Variants in LCT observed in about 807,000 individuals in gnomAD.
LCT encodes the protein lactase.
Under a neutral mutation model 173.0 loss-of-function variants are expected in LCT, and 90 were observed. That is an observed-to-expected ratio of 0.52 (90% CI 0.44 to 0.62). The LOEUF (loss-of-function observed/expected upper bound fraction) is 0.62, where lower values mean the gene tolerates loss of function less well. LCT is among the 20% of genes least tolerant of loss of function. The pLI is 0.00. For missense variants in LCT, 1,864 were observed against 2,431.4 expected, an observed-to-expected ratio of 0.77 and a Z score of 4.91; for synonymous variants, 853 against 957.6, an observed-to-expected ratio of 0.89 and a Z score of 2.02.
chr2:135,799,974 A>T (rs374383354), intron 12 of LCT, among the ~76,000 whole-genome samples: 1 of 152,232 alleles, frequency 6.6e-6, no homozygotes, highest in Admixed American at 6.5e-5. Context: ...TAGTCAAACC[A>T]GAGAGACTGA....
rs1252462758 is a variant in LCT, at chr2:135,794,745, CCTCTT to C, written c.5002_5006del (p.Lys1668GlufsTer7). ...AAAAGTCATAGGTGCCGTTGATCCT[CCTCTT>C]CTCACTCTCTGTAAATTCTGGCAGC... On this transcript the variant is annotated frameshift_variant, in exon 14 of 17. Coordinates refer to ENST00000264162, the MANE Select transcript of LCT (RefSeq NM_002299.4). LOFTEE classifies it high-confidence loss of function. 1.9e-6 allele frequency: 3 copies of C among 1,614,090 alleles called. No homozygotes were observed. Among genetic ancestry groups the C allele is most frequent in the Non-Finnish European group, 2.5e-6 (3 of 1,180,028 alleles).
chr2:135,836,460 T>C (rs1679383781), intron 1 of LCT, 70 bp downstream of exon 1: 3 of 1,394,988 alleles, frequency 2.2e-6, no homozygotes, highest in Admixed American at 1.7e-5. Flanking sequence ...TCGAATCTGC[T>C]CTAAGGAGGA....
chr2:135,788,224 G>T lies in LCT; in HGVS notation c.*100C>A. 1 of 851,278 alleles carries T rather than the reference G, an allele frequency of 1.2e-6. No homozygotes were observed. The highest frequency in any genetic ancestry group is 2.0e-6 in the Non-Finnish European group (1 of 499,902). 52.7% of individuals were successfully genotyped at this position (851,278 alleles called of 1,614,324 possible). On this transcript the variant is annotated 3_prime_UTR_variant, in exon 17 of 17. Transcript: ENST00000264162. ...CGGTGCAGCAGGACTTTATGGAGAAGTCCAGTATCAGCAGAGTCTAAGACC... is the reference window on the plus strand; with the variant it reads ...CGGTGCAGCAGGACTTTATGGAGAATTCCAGTATCAGCAGAGTCTAAGACC...
At chr2:135,817,230 G>T in intron 6 of LCT, 111 bp downstream of exon 6, 2 of 1,334,120 alleles carry the variant, frequency 1.5e-6, no homozygotes, top group Non-Finnish European at 1.0e-6. Context: ...TTCCTTTAAA[G>T]AAAGAACAAA....
chr2:135,816,342 G>A (rs2077781179), intron 6 of LCT, among the ~76,000 whole-genome samples: 1 of 152,158 alleles, frequency 6.6e-6, no homozygotes, highest in South Asian at 2.1e-4. Flanking sequence ...CCAGGACCCA[G>A]CAATGAGTTC....
intron 3 of LCT, among the ~76,000 whole-genome samples, chr2:135,826,143 C>T (rs891144713): frequency 1.3e-5 from 2 of 152,180 alleles, no homozygotes; most frequent in Non-Finnish European, 2.9e-5. Flanking sequence ...GAATAGATAA[C>T]CATTGCAGAA....
At chr2:135,828,131 T>C (rs1036243964) in intron 3 of LCT, among the ~76,000 whole-genome samples, 6 of 152,168 alleles carry the variant, frequency 3.9e-5, no homozygotes, top group African/African-American at 1.4e-4. Context: ...TTCAAGTGAT[T>C]CTCCTGCCTC....
At position 135,798,060 on chromosome 2, in the gene LCT, T is replaced by A; in HGVS notation, c.4945A>T (p.Arg1649Trp). 6.2e-7 allele frequency: 1 copy of A among 1,612,444 alleles called. No homozygotes were observed. The highest frequency in any genetic ancestry group is 8.5e-7 in the Non-Finnish European group (1 of 1,178,506). ...TTGTTGAGGCCTGCAGCCAAGCTCCTGTCACGGATCCGCGTCTTCATCACC... is the reference window on the plus strand; with the variant it reads ...TTGTTGAGGCCTGCAGCCAAGCTCCAGTCACGGATCCGCGTCTTCATCACC... ...NEVMKTRIRD[R>W]SLAAGLNKSR... The change falls in exon 13 of 17, where the codon AGG becomes TGG. Residue 1649 changes from arginine (R) to tryptophan (W), a missense_variant. Arg to Trp is a moderately radical substitution (Grantham distance 101). Around this residue, in one of 4 missense-constraint regions of LCT, gnomAD observed 514 missense variants for 750.1 expected, o/e 0.69. Coordinates refer to ENST00000264162, the MANE Select transcript of LCT (RefSeq NM_002299.4).
Position 135,808,761 on chromosome 2 carries a change from A to T in LCT, c.3586T>A (p.Phe1196Ile). ...LPSFTEEEKR[F>I]IRATADVFCL... is the part of the protein sequence containing the mutation. ...AAGACGTCGGCCGTCGCCCTGATGA[A>T]CCTCTTCTCTTCCTCAGTGAAGCTT... The change falls in exon 8 of 17, where the codon TTC becomes ATC. Residue 1196 changes from phenylalanine (F) to isoleucine (I), a missense_variant. Around this residue, in one of 4 missense-constraint regions of LCT, gnomAD observed 755 missense variants for 926.3 expected, o/e 0.82. Coordinates refer to ENST00000264162, the MANE Select transcript of LCT (RefSeq NM_002299.4). The T allele has an allele frequency of 6.2e-7, 1 of 1,613,132 alleles. No individual in the cohort carries two copies.
At chr2:135,826,928 T>TA (rs2105552149) in intron 3 of LCT, among the ~76,000 whole-genome samples, 1 of 152,298 alleles carries the variant, frequency 6.6e-6, no homozygotes, top group South Asian at 2.1e-4. Flanking sequence ...ATATGTGATT[T>TA]AAAAAATACC....
At chr2:135,816,910 C>T (rs1327623462) in intron 6 of LCT, among the ~76,000 whole-genome samples, 1 of 151,438 alleles carries the variant, frequency 6.6e-6, no homozygotes, top group Non-Finnish European at 1.5e-5. Flanking sequence ...GCTCTGTTGA[C>T]CAGGCTGGAG....
chr2:135,817,398 G>C lies in LCT; in HGVS notation c.1650C>G (p.Gly550=), dbSNP rs35093754. The change falls in exon 6 of 17, where the codon GGC becomes GGG. Residue 550 remains glycine (G), a synonymous_variant. Transcript: ENST00000264162. ...CGGGAGGGTGCTGGCCGGTGCCATA[G>C]CCTGCGTAGCTCATCACCCACGGCT... ...FHEPWVMSYA[G]YGTGQHPPGI... The C allele has an allele frequency of 0.024, 38,302 of 1,614,046 alleles. 974 individuals are homozygous for C. The highest frequency in any genetic ancestry group is 0.12 in the African/African-American group (8,740 of 74,990).
At chr2:135,827,833 G>A (rs2077900089) in intron 3 of LCT, among the ~76,000 whole-genome samples, 1 of 152,042 alleles carries the variant, frequency 6.6e-6, no homozygotes, top group Non-Finnish European at 1.5e-5. Flanking sequence ...TGGGGGCTGG[G>A]GACCCCTAAA....
rs1253562057 is a variant in LCT at position 135,836,919 on chromosome 2, A to G, written c.251T>C (p.Ile84Thr). The G allele has an allele frequency of 1.9e-6, 3 of 1,614,018 alleles. No homozygotes were observed. The highest frequency in any genetic ancestry group is 2.2e-5 in the South Asian group (2 of 91,078). ...EYFSSLHASQ[I>T]THYKVFLSWA... is the part of the protein sequence containing the mutation. ...TGACAGAAATACCTTATAATGGGTG[A>G]TCTGACTGGCATGGAGACTGCTGAA... is the stretch of plus-strand genomic sequence containing the variant. Residue 84 changes from isoleucine to threonine, a missense_variant, in exon 1 of 17, where the codon ATC becomes ACC. Around this residue, in one of 4 missense-constraint regions of LCT, gnomAD observed 412 missense variants for 462.0 expected, o/e 0.89. Transcript: ENST00000264162.
chr2:135,804,524 A>G (rs1186601523), intron 10 of LCT, among the ~76,000 whole-genome samples: 2 of 152,220 alleles, frequency 1.3e-5, no homozygotes, highest in Admixed American at 1.3e-4. Context: ...TCTACTAAAA[A>G]TACAAAAATT....
rs1248952043 is a variant in LCT, at chr2:135,830,017, C to CA, written c.721-342dup. Among the ~76,000 whole-genome samples the CA allele has an allele frequency of 2.0e-5, 3 of 152,142 alleles. No homozygotes were observed. The East Asian group carries it at 5.8e-4, about 29-fold the overall frequency. On this transcript the variant is annotated intron_variant, in intron 2 of 16. Transcript: ENST00000264162. Reference sequence around the variant, plus strand: ...CCAGAAATGGGAGGCAGTTAGAGGCCAGTGCTGCCCCTGGTGCTTCCTCCA... The same window carrying CA: ...CCAGAAATGGGAGGCAGTTAGAGGCCAAGTGCTGCCCCTGGTGCTTCCTCCA...
rs550425205 is a variant in LCT, at chr2:135,819,815, G to A, written c.987-1754C>T. 5.9e-5 allele frequency among the ~76,000 whole-genome samples: 9 copies of A among 152,264 alleles called. 1 individual carries two copies. The highest frequency in any genetic ancestry group is 9.6e-5 in the African/African-American group (4 of 41,556). ...CCATAAACACAGCGTCCGCTGCTCC[G>A]AACCTCGCTCTTACCCAGCCCTCCT... On this transcript the variant is annotated intron_variant, in intron 5 of 16. Coordinates refer to ENST00000264162, the MANE Select transcript of LCT (RefSeq NM_002299.4).
At chr2:135,820,536 GA>G (rs1210240756) in intron 5 of LCT, 3 of 152,444 alleles carry the variant, frequency 2.0e-5, no homozygotes, top group African/African-American at 7.2e-5. Context: ...TGGAACAATA[GA>G]AGGAGGATAT....
intron 14 of LCT, among the ~76,000 whole-genome samples, chr2:135,792,060 CTG>C (rs2077536911): frequency 6.6e-6 from 1 of 152,208 alleles, no homozygotes; most frequent in African/African-American, 2.4e-5. Context: ...AGCTGCAAAA[CTG>C]TGAGTTCCCA....
Sources: allele counts gnomAD v4.1 joint callset (sites outside exome capture counted in the v4.1 genomes callset), GRCh38; gene constraint gnomAD v4.1.1; regional missense constraint gnomAD v4.1.1; transcripts MANE v1.5; gene names NCBI Gene and HGNC (gene_info 2026-07-23, HGNC 2026-07-21).